SGCZ: variants seen among roughly 807,000 people sequenced by gnomAD.
The protein encoded by SGCZ is sarcoglycan zeta.
A neutral mutation model predicts 41.3 loss-of-function variants in SGCZ; 40 were observed. The ratio of observed to expected loss-of-function variants is 0.97; its 90% CI spans 0.75 to 1.26. SGCZ has a LOEUF of 1.26. SGCZ is among the 50% of genes most tolerant of loss of function. The pLI is 0.00. For synonymous variants in SGCZ, 206 were observed against 137.5 expected (o/e 1.50, Z -3.49); for missense variants, 552 against 369.8 (o/e 1.49, Z -4.04).
At chr8:14,799,123 T>C (rs1228738224) in intron 1 of SGCZ, among the ~76,000 whole-genome samples, 1 of 152,010 alleles carries the variant, frequency 6.6e-6, no homozygotes, top group Admixed American at 6.5e-5. Flanking sequence ...AAATTAAAAA[T>C]ACATTTTGGA....
chr8:14,332,787 C>T (rs1802382140), intron 2 of SGCZ: 1 of 150,512 alleles, frequency 6.6e-6, no homozygotes, highest in Non-Finnish European at 1.5e-5. Flanking sequence ...ATTTGGTTTG[C>T]AATAGAGTAT....
intron 1 of SGCZ, among the ~76,000 whole-genome samples, chr8:14,759,966 G>T (rs1219942765): frequency 6.6e-6 from 1 of 152,128 alleles, no homozygotes; most frequent in Non-Finnish European, 1.5e-5. Flanking sequence ...AAATTGTAAA[G>T]ATTTTTCTAA....
intron 2 of SGCZ, among the ~76,000 whole-genome samples, chr8:14,360,371 T>C (rs1159413567): frequency 6.6e-6 from 1 of 151,940 alleles, no homozygotes; most frequent in South Asian, 2.1e-4. Flanking sequence ...TCTTGCTCTA[T>C]CACCCAGACT....
intron 1 of SGCZ, among the ~76,000 whole-genome samples, chr8:14,704,305 T>G (rs1283556770): frequency 6.6e-6 from 1 of 152,020 alleles, no homozygotes; most frequent in African/African-American, 2.4e-5. Flanking sequence ...AGCTATTTTT[T>G]ATCCCCATCT....
chr8:14,670,579 CT>C (rs1170575874), intron 1 of SGCZ, among the ~76,000 whole-genome samples: 1 of 152,138 alleles, frequency 6.6e-6, no homozygotes, highest in East Asian at 1.9e-4. Context: ...ATGAGCAGAT[CT>C]AATCTACAAA....
chr8:15,059,388 A>C (rs1377172644), intron 1 of SGCZ, among the ~76,000 whole-genome samples: 1 of 152,186 alleles, frequency 6.6e-6, no homozygotes, highest in Non-Finnish European at 1.5e-5. Context: ...TCATTAAAAT[A>C]AGTTTACTTT....
At chr8:14,410,742 G>C (rs373981060) in intron 2 of SGCZ, among the ~76,000 whole-genome samples, 1 of 152,016 alleles carries the variant, frequency 6.6e-6, no homozygotes, top group African/African-American at 2.4e-5. Flanking sequence ...AAACCTGCAC[G>C]TTTTGCACAT....
In SGCZ at chr8:14,755,603, A is replaced by G. The variant is rs140024234; in HGVS notation, c.40-200677T>C. On this transcript the variant is annotated intron_variant, in intron 1 of 7. Coordinates refer to ENST00000382080, the MANE Select transcript of SGCZ (RefSeq NM_139167.4). ...TTTGATAAGCTTTTATTCATGAGTA[A>G]GTGACATGACCATGCTGGAAAATAT... Among the ~76,000 whole-genome samples the G allele has an allele frequency of 2.0e-3, 311 of 152,292 alleles. 4 individuals carry two copies. Among genetic ancestry groups the G allele is most frequent in the Non-Finnish European group, 1.5e-3 (100 of 68,010 alleles).
At chr8:14,659,351 T>C (rs1439320635) in intron 1 of SGCZ, among the ~76,000 whole-genome samples, 1 of 152,182 alleles carries the variant, frequency 6.6e-6, no homozygotes, top group Non-Finnish European at 1.5e-5. Flanking sequence ...TTATACCCCA[T>C]AAGCATGTAC....
chr8:14,634,227 T>G (rs1806753531), intron 1 of SGCZ, among the ~76,000 whole-genome samples: 1 of 151,914 alleles, frequency 6.6e-6, no homozygotes, highest in Non-Finnish European at 1.5e-5. Flanking sequence ...GAGTAATAAT[T>G]AATAGATTTG....
intron 1 of SGCZ, among the ~76,000 whole-genome samples, chr8:15,055,620 T>G (rs1249366066): frequency 6.6e-6 from 1 of 152,206 alleles, no homozygotes; most frequent in Non-Finnish European, 1.5e-5. Flanking sequence ...GGACCCCCTT[T>G]GCCAAAGGCT....
intron 1 of SGCZ, among the ~76,000 whole-genome samples, chr8:14,556,058 C>G (rs1362607226): frequency 6.6e-6 from 1 of 151,742 alleles, no homozygotes; most frequent in Non-Finnish European, 1.5e-5. Flanking sequence ...TTTCAATAAG[C>G]AAATGCATTT....
intron 2 of SGCZ, among the ~76,000 whole-genome samples, chr8:14,375,168 G>T (rs573322948): frequency 1.3e-5 from 2 of 152,234 alleles, no homozygotes; most frequent in African/African-American, 4.8e-5. Flanking sequence ...CATGGATTGT[G>T]ATAAGAAGTG....
intron 2 of SGCZ, among the ~76,000 whole-genome samples, chr8:14,397,265 GT>G (rs1177123627): frequency 5.9e-5 from 9 of 152,060 alleles, no homozygotes; most frequent in African/African-American, 2.2e-4. Flanking sequence ...TTTGATAAAA[GT>G]TAAGGATGTT....
intron 2 of SGCZ, among the ~76,000 whole-genome samples, chr8:14,384,246 G>T (rs1045190492): frequency 2.0e-5 from 3 of 152,044 alleles, no homozygotes; most frequent in Non-Finnish European, 4.4e-5. Flanking sequence ...ATAGTTTGCT[G>T]AGAATGATGG....
chr8:14,180,596 G>A (rs1804690491), intron 4 of SGCZ, among the ~76,000 whole-genome samples: 1 of 152,058 alleles, frequency 6.6e-6, no homozygotes, highest in South Asian at 2.1e-4. Context: ...TGCCAGTACT[G>A]TTCCAGGAGT....
At chr8:14,526,607 C>T (rs1050832232) in intron 2 of SGCZ, among the ~76,000 whole-genome samples, 15 of 152,064 alleles carry the variant, frequency 9.9e-5, no homozygotes, top group African/African-American at 3.6e-4. Context: ...AAATACATAT[C>T]TATTTTTCAT....
At chr8:14,541,981 T>C (rs1803484191) in intron 2 of SGCZ, among the ~76,000 whole-genome samples, 1 of 152,186 alleles carries the variant, frequency 6.6e-6, no homozygotes, top group Admixed American at 6.5e-5. Flanking sequence ...TGAGGCTTTT[T>C]GTTTTTTTCT....
At chr8:14,885,199 T>A (rs1027106011) in intron 1 of SGCZ, among the ~76,000 whole-genome samples, 1 of 152,140 alleles carries the variant, frequency 6.6e-6, no homozygotes, top group East Asian at 1.9e-4. Flanking sequence ...TGCCTGTTTG[T>A]TTTTAAATTG....
Sources: gnomAD v4.1 joint callset for allele counts (sites outside exome capture counted in the v4.1 genomes callset) on GRCh38, gnomAD v4.1.1 for gene constraint, MANE v1.5 for transcripts, NCBI Gene and HGNC (gene_info 2026-07-23, HGNC 2026-07-21) for gene names.